LIX1: variants seen among roughly 807,000 people sequenced by gnomAD.
LIX1 encodes the protein limb and CNS expressed 1, also known as protein limb expression 1 homolog.
LIX1 carries 24 observed loss-of-function variants against 33.4 expected under a neutral mutation model. The observed-to-expected ratio is 0.72, with a 90% CI of 0.52 to 1.01. The LOEUF (loss-of-function observed/expected upper bound fraction) is 1.01, where lower values mean the gene tolerates loss of function less well. LIX1 is among the 50% of genes least tolerant of loss of function. The probability of loss-of-function intolerance (pLI) is 0.00; values close to 1 mark genes in which losing one functional copy is unlikely to be tolerated. For missense variants in LIX1, 311 were observed against 339.2 expected (o/e 0.92, Z 0.65); for synonymous variants, 124 against 124.0 (o/e 1.00, Z 0.00).
chr5:97,142,520 T>C lies in LIX1; in HGVS notation c.57A>G (p.Arg19=). The change falls in exon 1 of 6, where the codon AGA becomes AGG. Residue 19 remains arginine, a synonymous_variant. Transcript: ENST00000274382. ...AGTCTTTGAAGACTAGAGCCGGATC[T>C]CTGTGAGGCAAGACTTGGGCAATGA... is the stretch of plus-strand genomic sequence containing the variant. ...RHIIAQVLPH[R]DPALVFKDLN... The C allele has an allele frequency of 6.2e-7, 1 of 1,614,096 alleles. No homozygotes were observed. Among genetic ancestry groups the C allele is most frequent in the South Asian group, 1.1e-5 (1 of 91,080 alleles).
Position 97,094,807 on chromosome 5 carries a change from C to T in LIX1, c.790G>A (p.Asp264Asn), listed in dbSNP as rs1449455120. 6 of 1,614,190 alleles carry T rather than the reference C, an allele frequency of 3.7e-6. No homozygotes were observed. The highest frequency in any genetic ancestry group is 1.1e-5 in the South Asian group (1 of 91,082). ...LALTQICSDP[D>N]TSSPSDDQLS... is the part of the protein sequence containing the mutation. ...TGATCATCACTGGGTGAGGAAGTGT[C>T]AGGGTCACTGCAGATCTGAGTCAGG... Residue 264 changes from aspartate to asparagine, a missense_variant, in exon 6 of 6, where the codon GAC becomes AAC. Physicochemically the swap from Asp to Asn is conservative, Grantham distance 23. Coordinates refer to ENST00000274382, the MANE Select transcript of LIX1 (RefSeq NM_153234.5).
chr5:97,122,357 C>T (rs1048738992), intron 2 of LIX1, among the ~76,000 whole-genome samples: 2 of 152,034 alleles, frequency 1.3e-5, no homozygotes, highest in African/African-American at 4.8e-5. Context: ...CATCTTTGCC[C>T]CTAATAATTT....
At chr5:97,126,928 G>A (rs1264650123) in intron 1 of LIX1, among the ~76,000 whole-genome samples, 2 of 152,046 alleles carry the variant, frequency 1.3e-5, no homozygotes, top group Non-Finnish European at 2.9e-5. Context: ...GTGAGCCACC[G>A]TGCCCACCCT....
chr5:97,113,712 C>T (rs1026153865), intron 2 of LIX1, among the ~76,000 whole-genome samples: 1 of 152,120 alleles, frequency 6.6e-6, no homozygotes, highest in Non-Finnish European at 1.5e-5. Context: ...ACAGAAATGG[C>T]CACCCACTTT....
chr5:97,124,578 T>C lies in LIX1; in HGVS notation c.134A>G (p.Lys45Arg), dbSNP rs755390292. The stretch of plus-strand genomic sequence containing the variant: ...CACACCTTCACTTGGGAATGCAGCC[T>C]TCTGCTGCTGCTTGCTTTCCCAAAA... ...QEFWESKQQQ[K>R]AAFPSEGVVV... is the part of the protein sequence containing the mutation. The change falls in exon 2 of 6, where the codon AAG becomes AGG. Residue 45 changes from lysine to arginine, a missense_variant. Lys to Arg is a conservative substitution (Grantham distance 26, BLOSUM62 2). Coordinates refer to ENST00000274382, the MANE Select transcript of LIX1 (RefSeq NM_153234.5). The C allele has an allele frequency of 5.0e-6, 8 of 1,610,760 alleles. No individual in the cohort carries two copies. The highest frequency in any genetic ancestry group is 6.8e-6 in the Non-Finnish European group (8 of 1,178,032).
intron 2 of LIX1, among the ~76,000 whole-genome samples, chr5:97,118,083 T>A (rs575403438): frequency 1.3e-5 from 2 of 152,226 alleles, no homozygotes; most frequent in Non-Finnish European, 2.9e-5. Flanking sequence ...AAAATACTTA[T>A]GTGAAAAAGA....
intron 2 of LIX1, among the ~76,000 whole-genome samples, chr5:97,113,167 T>TGCCA (rs1289631251): frequency 1.3e-5 from 2 of 152,206 alleles, no homozygotes; most frequent in African/African-American, 4.8e-5. Flanking sequence ...TAAAGCCTTC[T>TGCCA]GCCAGCAGCC....
At chr5:97,096,290 G>A (rs901016896) in intron 5 of LIX1, among the ~76,000 whole-genome samples, 6 of 152,114 alleles carry the variant, frequency 3.9e-5, no homozygotes, top group Non-Finnish European at 8.8e-5. Context: ...AAACAAAGAA[G>A]AAACTTCTAA....
At chr5:97,095,078 A>G (rs1362153020) in intron 5 of LIX1, 43 bp from the exon 6 acceptor site, 1 of 1,582,026 alleles carries the variant, frequency 6.3e-7, no homozygotes, top group Admixed American at 1.7e-5. Context: ...ATAAAAAGCA[A>G]CAAAGGCACC....
At chr5:97,118,018 C>T (rs1747680325) in intron 2 of LIX1, among the ~76,000 whole-genome samples, 1 of 152,086 alleles carries the variant, frequency 6.6e-6, no homozygotes, top group Non-Finnish European at 1.5e-5. Context: ...AGCCTAAGTA[C>T]CAGAACCCAG....
At chr5:97,107,955 T>G (rs1221693901) in intron 2 of LIX1, among the ~76,000 whole-genome samples, 1 of 152,216 alleles carries the variant, frequency 6.6e-6, no homozygotes, top group Non-Finnish European at 1.5e-5. Flanking sequence ...TGCTTTCAGC[T>G]CTGGCATTTA....
chr5:97,108,129 C>G (rs1747164472), intron 2 of LIX1, among the ~76,000 whole-genome samples: 1 of 152,210 alleles, frequency 6.6e-6, no homozygotes, highest in Non-Finnish European at 1.5e-5. Context: ...ACAGGCCAGC[C>G]AGACATTTTT....
Position 97,138,789 on chromosome 5 carries a change from C to T in LIX1, c.82+3706G>A, listed in dbSNP as rs146113691. On this transcript the variant is annotated intron_variant, in intron 1 of 5. Transcript: ENST00000274382. ...CTCTGTTTTCCTAACAGATATAAGT[C>T]GAGCATCCCAAATCCAAAAACCTAA... 2.6e-5 allele frequency among the ~76,000 whole-genome samples: 4 copies of T among 152,230 alleles called. No homozygotes were observed. The East Asian group carries it at 5.8e-4, about 22-fold the overall frequency.
intron 1 of LIX1, among the ~76,000 whole-genome samples, chr5:97,138,147 C>T (rs190637699): frequency 3.9e-5 from 6 of 152,258 alleles, no homozygotes; most frequent in South Asian, 2.1e-4. Context: ...AATTTTTCAA[C>T]GCTTAGTAAA....
At chr5:97,105,167 A>T (rs1561491542) in intron 4 of LIX1, 23 bp downstream of exon 4, 2 of 1,598,066 alleles carry the variant, frequency 1.3e-6, no homozygotes, top group Non-Finnish European at 1.7e-6. Flanking sequence ...AATCAAACAA[A>T]TATGTGGCAG....
chr5:97,094,140 C>T lies in LIX1; in HGVS notation c.*608G>A, dbSNP rs1746215440. 1 of 151,632 alleles carries T rather than the reference C, an allele frequency of 6.6e-6. No individual in the cohort carries two copies. The allele number at this position is 151,632 out of a possible 1,614,324, so 9.4% of individuals were successfully genotyped here. A position where few individuals can be genotyped will look rare whatever the true frequency, so the allele number is the denominator to read the frequency against. On this transcript the variant is annotated 3_prime_UTR_variant, in exon 6 of 6. Coordinates refer to ENST00000274382, the MANE Select transcript of LIX1 (RefSeq NM_153234.5). ...ATTATTGTTACAAAAACATTTTAAA[C>T]ATTAATTTTATCTAGTATTTTCATA...
Position 97,123,755 on chromosome 5 carries a change from A to G in LIX1, c.246+711T>C, listed in dbSNP as rs372361261. Among the ~76,000 whole-genome samples, 14 of 152,130 alleles carry G rather than the reference A, an allele frequency of 9.2e-5. No individual in the cohort carries two copies. In the South Asian group the frequency reaches 2.5e-3, roughly 27 times the overall value. On this transcript the variant is annotated intron_variant, in intron 2 of 5. Transcript: ENST00000274382. ...GTGAGTGCCTACCTGTCCTCTCCCA[A>G]CCGTTCCTTGCCACACATTAACCCT...
Position 97,142,567 on chromosome 5 carries a change from T to C in LIX1, c.10A>G (p.Thr4Ala), listed in dbSNP as rs1440092518. The C allele has an allele frequency of 6.2e-7, 1 of 1,614,014 alleles. No homozygotes were observed. Among genetic ancestry groups the C allele is most frequent in the African/African-American group, 1.3e-5 (1 of 75,044 alleles). The part of the protein sequence containing the change: MDR[T>A]LESLRHIIAQ... ...ATGATGTGTCTCAGAGATTCCAAGG[T>C]TCTGTCCATCTTGGGTCTGCCTGTG... Residue 4 changes from threonine to alanine, a missense_variant, in exon 1 of 6, where the codon ACC becomes GCC. By Grantham distance (58) the Thr-to-Ala change is moderately conservative. Transcript: ENST00000274382.
chr5:97,135,648 A>G (rs908639763), intron 1 of LIX1, among the ~76,000 whole-genome samples: 16 of 152,018 alleles, frequency 1.1e-4, no homozygotes, highest in African/African-American at 3.6e-4. Flanking sequence ...GTGAAACCTC[A>G]TCTCAACTAA....
Sources: gnomAD v4.1 joint callset for allele counts (sites outside exome capture counted in the v4.1 genomes callset) on GRCh38, gnomAD v4.1.1 for gene constraint, MANE v1.5 for transcripts, NCBI Gene and HGNC (gene_info 2026-07-23, HGNC 2026-07-21) for gene names.